FANCA: variants seen among roughly 807,000 people sequenced by gnomAD.
The protein encoded by FANCA is Fanconi anemia group A protein.
A neutral mutation model predicts 194.3 loss-of-function variants in FANCA; 236 were observed. That is an observed-to-expected ratio of 1.21 (90% confidence interval 1.09 to 1.35). The LOEUF is 1.35. FANCA is among the 40% of genes most tolerant of loss of function. The pLI is 0.00. For synonymous variants in FANCA, 1,014 were observed against 715.8 expected (o/e 1.42, Z -6.65); for missense variants, 2,628 against 1,813.9 (o/e 1.45, Z -8.15).
chr16:89,793,650 T>C (rs1341666683), intron 11 of FANCA, among the ~76,000 whole-genome samples: 1 of 152,140 alleles, frequency 6.6e-6, no homozygotes, highest in African/African-American at 2.4e-5. Context: ...TGGAGTGCAG[T>C]GCTCACCACA....
In FANCA at chr16:89,765,057, G is replaced by A. The variant is rs779617838; in HGVS notation, c.2611C>T (p.Leu871Phe). ...GCCTCTGAGAACAATCTGAACATGA[G>A]GAACTGAAACTGAAACAGAGAGTGA... ...SPGLIKKFQF[L>F]MFRLFSEARQ... Residue 871 changes from leucine to phenylalanine, a missense_variant, in exon 28 of 43, where the codon CTC (leucine) becomes TTC (phenylalanine). By Grantham distance (22) the Leu-to-Phe change is conservative. Coordinates refer to ENST00000389301, the MANE Select transcript of FANCA (RefSeq NM_000135.4). 1.9e-6 allele frequency: 3 copies of A among 1,614,158 alleles called. No individual in the cohort carries two copies. The highest frequency in any genetic ancestry group is 2.2e-5 in the East Asian group (1 of 44,888).
chr16:89,756,011 T>C (rs2038756819), intron 30 of FANCA, among the ~76,000 whole-genome samples: 1 of 152,178 alleles, frequency 6.6e-6, no homozygotes, highest in Admixed American at 6.5e-5. Flanking sequence ...TGTAACTGTA[T>C]TGCATGCCGC....
intron 8 of FANCA, among the ~76,000 whole-genome samples, chr16:89,803,044 G>A (rs1399326379): frequency 6.6e-6 from 1 of 152,174 alleles, no homozygotes; most frequent in African/African-American, 2.4e-5. Flanking sequence ...CATGTGAAAT[G>A]TTGCCAACAC....
chr16:89,803,843 A>C (rs944295385), intron 7 of FANCA, among the ~76,000 whole-genome samples: 3 of 150,818 alleles, frequency 2.0e-5, no homozygotes, highest in Admixed American at 2.0e-4. Flanking sequence ...TTGGTCTTGA[A>C]CTCCTGACCT....
intron 14 of FANCA, among the ~76,000 whole-genome samples, chr16:89,790,772 T>C (rs62052714): frequency 0.059 from 8,988 of 151,902 alleles, 412 homozygotes; most frequent in East Asian, 0.22. Context: ...AGAGACATTG[T>C]ATACTCTGCA....
intron 36 of FANCA, among the ~76,000 whole-genome samples, chr16:89,743,503 G>C (rs2062181591): frequency 6.6e-6 from 1 of 152,066 alleles, no homozygotes; most frequent in Non-Finnish European, 1.5e-5. Context: ...ATCTGCCTGG[G>C]CAACACAGTG....
intron 34 of FANCA, 36 bp from the exon 35 acceptor site, chr16:89,746,724 G>A: frequency 6.2e-7 from 1 of 1,607,854 alleles, no homozygotes; most frequent in Non-Finnish European, 8.5e-7. Context: ...TCAGCGGTTT[G>A]TGAGGACCCA....
intron 6 of FANCA, among the ~76,000 whole-genome samples, 159 bp from the exon 7 acceptor site, chr16:89,805,551 C>T (rs530051522): frequency 6.6e-6 from 1 of 152,098 alleles, no homozygotes; most frequent in East Asian, 1.9e-4. Flanking sequence ...CTCGACCTCC[C>T]AGGCTCAAGC....
chr16:89,804,041 TG>T (rs932862702), intron 7 of FANCA, among the ~76,000 whole-genome samples: 7 of 152,058 alleles, frequency 4.6e-5, no homozygotes, highest in Non-Finnish European at 1.0e-4. Flanking sequence ...AGGAATGTGA[TG>T]GGGGAGGAAA....
rs193061642 is a variant in FANCA at position 89,808,484 on chromosome 16, T to C, written c.523-117A>G. On this transcript the variant is annotated intron_variant, in intron 5 of 42. Coordinates refer to ENST00000389301, the MANE Select transcript of FANCA (RefSeq NM_000135.4). ...AACTTAGGTTCTTAACCATGCCGTA[T>C]TGAAAATTAACCTCAAGCAAAAACT... 5.2e-4 allele frequency: 561 copies of C among 1,076,488 alleles called. 1 individual carries two copies. The highest frequency in any genetic ancestry group is 6.7e-4 in the Non-Finnish European group (480 of 720,808). 66.7% of individuals were successfully genotyped at this position (1,076,488 alleles called of 1,614,324 possible).
At chr16:89,776,850 A>C (rs902621965) in intron 20 of FANCA, among the ~76,000 whole-genome samples, 3 of 152,160 alleles carry the variant, frequency 2.0e-5, no homozygotes, top group African/African-American at 7.2e-5. Context: ...ATTAAAGAAA[A>C]AAAAATAAAA....
chr16:89,794,570 T>A (rs1457114339), intron 11 of FANCA, among the ~76,000 whole-genome samples: 2 of 151,962 alleles, frequency 1.3e-5, no homozygotes. Flanking sequence ...TAAGATAAAC[T>A]GGGAATAAAC....
chr16:89,798,373 C>T (rs1431597609), intron 10 of FANCA: 6 of 1,046,776 alleles, frequency 5.7e-6, no homozygotes, highest in Non-Finnish European at 5.8e-6. Flanking sequence ...TCACACAGTG[C>T]TTTATTCACT....
At chr16:89,810,021 G>C (rs771797777) in intron 5 of FANCA, among the ~76,000 whole-genome samples, 1 of 150,934 alleles carries the variant, frequency 6.6e-6, no homozygotes, top group Non-Finnish European at 1.5e-5. Flanking sequence ...GCAATATTCT[G>C]TCTCAAAAAT....
rs2039296130 is a variant in FANCA, at chr16:89,770,739, A to C, written c.2152-105T>G. 3.1e-6 allele frequency: 3 copies of C among 981,292 alleles called. No homozygotes were observed. The South Asian group carries it at 4.1e-5, about 14-fold the overall frequency. 60.8% of individuals were successfully genotyped at this position (981,292 alleles called of 1,614,324 possible). A position where few individuals can be genotyped will look rare whatever the true frequency, so the allele number is the denominator to read the frequency against. On this transcript the variant is annotated intron_variant, in intron 23 of 42. Coordinates refer to ENST00000389301, the MANE Select transcript of FANCA (RefSeq NM_000135.4). ...CAGACATCGCAATTCTGCTTTGCAA[A>C]AAGACCTCCAAAACAGGCTTGTTTG... is the stretch of plus-strand genomic sequence containing the variant.
At chr16:89,800,341 C>T (rs539903114) in intron 8 of FANCA, among the ~76,000 whole-genome samples, 41 of 152,328 alleles carry the variant, frequency 2.7e-4, no homozygotes, top group African/African-American at 9.4e-4. Flanking sequence ...GGGCTTAAAG[C>T]ATACCACTAC....
intron 1 of FANCA, chr16:89,816,253 G>T (rs2041118317): frequency 4.4e-6 from 2 of 455,500 alleles, no homozygotes; most frequent in Non-Finnish European, 8.1e-6. Context: ...GGAGCCCCAG[G>T]CCGCGCACCC....
At chr16:89,791,653 A>C in intron 13 of FANCA, 117 bp from the exon 14 acceptor site, 1 of 1,413,350 alleles carries the variant, frequency 7.1e-7, no homozygotes. Flanking sequence ...CCAAACACCA[A>C]GTTTTAAAAG....
chr16:89,740,652 A>AAAAAC (rs1162185458), intron 38 of FANCA, 152 bp downstream of exon 38: 1 of 657,264 alleles, frequency 1.5e-6, no homozygotes, highest in East Asian at 2.8e-5. Context: ...AAAAAAAAAA[A>AAAAAC]AACCCACGGC....
Sources: gnomAD v4.1 joint callset for allele counts (sites outside exome capture counted in the v4.1 genomes callset) on GRCh38, gnomAD v4.1.1 for gene constraint, MANE v1.5 for transcripts, NCBI Gene and HGNC (gene_info 2026-07-23, HGNC 2026-07-21) for gene names.